The following STXBP5 variants were observed in gnomAD, a reference collection of about 807,000 sequenced individuals.
STXBP5 encodes syntaxin binding protein 5.
In STXBP5, 50 loss-of-function variants were observed where a neutral mutation model predicts 152.4. The observed-to-expected ratio is 0.33, with a 90% confidence interval of 0.26 to 0.42. The LOEUF (loss-of-function observed/expected upper bound fraction) is 0.42. STXBP5 is among the 10% of genes least tolerant of loss of function. STXBP5 has a pLI of 1.00. For missense variants in STXBP5, 1,167 were observed against 1,388.6 expected (o/e 0.84, Z 2.54); for synonymous variants, 492 against 494.7 (o/e 0.99, Z 0.07).
chr6:147,240,828 CAA>C (rs945370737), intron 4 of STXBP5, among the ~76,000 whole-genome samples: 13 of 152,110 alleles, frequency 8.5e-5, no homozygotes, highest in African/African-American at 2.9e-4. Context: ...TGGAATAAGG[CAA>C]AGAGTAAAAA....
At chr6:147,362,904 T>C (rs1370079335) in intron 23 of STXBP5, among the ~76,000 whole-genome samples, 2 of 152,336 alleles carry the variant, frequency 1.3e-5, no homozygotes, top group East Asian at 3.9e-4. Context: ...TCACACACTT[T>C]GGACAAGGCG....
intron 16 of STXBP5, among the ~76,000 whole-genome samples, chr6:147,319,905 G>A (rs1782834035): frequency 7.5e-6 from 1 of 133,998 alleles, no homozygotes. Context: ...ACAGTGGTGT[G>A]ATCACAGCTC....
intron 18 of STXBP5, among the ~76,000 whole-genome samples, chr6:147,332,186 AT>A (rs1444579383): frequency 6.6e-6 from 1 of 152,206 alleles, no homozygotes; most frequent in Admixed American, 6.5e-5. Context: ...TTTCACATGT[AT>A]TCACTCAACC....
Position 147,213,434 on chromosome 6 carries a change from ATGTGTGTGTGTG to A in STXBP5, c.248+7399_248+7410del, listed in dbSNP as rs1159372834. Among the ~76,000 whole-genome samples the A allele has an allele frequency of 3.8e-3, 324 of 85,590 alleles. 5 individuals carry two copies. The East Asian group carries it at 0.11, about 30-fold the overall frequency. 56.2% of individuals were successfully genotyped at this position (85,590 alleles called of 152,430 possible). Reference sequence around the variant, plus strand: ...TCACCTGGCTCACATAATTTTATATATGTGTGTGTGTGTGTGTGTGTGTGTGTGTGTGTGTGT... The same window carrying A: ...TCACCTGGCTCACATAATTTTATATATGTGTGTGTGTGTGTGTGTGTGTGT... On this transcript the variant is annotated intron_variant, in intron 2 of 27. Transcript: ENST00000321680.
intron 21 of STXBP5, among the ~76,000 whole-genome samples, chr6:147,348,714 AAT>A (rs1784451270): frequency 6.6e-6 from 1 of 152,172 alleles, no homozygotes; most frequent in African/African-American, 2.4e-5. Context: ...GGAAATCCAA[AAT>A]ATATGCAAAG....
At chr6:147,314,531 G>C (rs912627319) in intron 13 of STXBP5, 65 bp from the exon 14 acceptor site, 15 of 1,525,284 alleles carry the variant, frequency 9.8e-6, no homozygotes, top group Non-Finnish European at 1.2e-5. Context: ...TTTAATAGCA[G>C]TACCCATTTA....
rs570243183 is a variant in STXBP5, at chr6:147,239,127, T to G, written c.331-43T>G. 6 of 1,528,634 alleles carry G rather than the reference T, an allele frequency of 3.9e-6. No individual in the cohort carries two copies. In the South Asian group the frequency reaches 7.3e-5, roughly 19 times the overall value. 94.7% of individuals were successfully genotyped at this position (1,528,634 alleles called of 1,614,324 possible). A position where few individuals can be genotyped will look rare whatever the true frequency, so the allele number is the denominator to read the frequency against. On this transcript the variant is annotated intron_variant, in intron 3 of 27. Coordinates refer to ENST00000321680, the MANE Select transcript of STXBP5 (RefSeq NM_001127715.4). ...AGCTATTGAGTAGACTTCATGTTTA[T>G]AAAATATATTATACATGAAATGTGT...
intron 21 of STXBP5, among the ~76,000 whole-genome samples, chr6:147,349,638 A>C (rs1429826819): frequency 1.3e-5 from 2 of 152,194 alleles, no homozygotes; most frequent in Non-Finnish European, 2.9e-5. Flanking sequence ...TATAAATCCC[A>C]TGTACTCCAG....
intron 7 of STXBP5, among the ~76,000 whole-genome samples, chr6:147,276,497 C>T (rs1340193222): frequency 1.3e-5 from 2 of 152,084 alleles, no homozygotes; most frequent in Non-Finnish European, 2.9e-5. Flanking sequence ...TATTTCTCTA[C>T]ATATGATACA....
chr6:147,218,512 G>C (rs1458108693), intron 2 of STXBP5, among the ~76,000 whole-genome samples: 1 of 151,504 alleles, frequency 6.6e-6, no homozygotes, highest in African/African-American at 2.4e-5. Flanking sequence ...AGACAGTCTT[G>C]CTCTGTTTCC....
intron 2 of STXBP5, among the ~76,000 whole-genome samples, chr6:147,213,477 T>TGTGTGTGCGCGCGCGCGCGCGCGC: frequency 4.0e-4 from 53 of 131,248 alleles, no homozygotes; most frequent in Non-Finnish European, 6.6e-4. Context: ...TGTGTGTGTG[T>TGTGTGTGCGCGCGCGCGCGCGCGC]GCGCGCGCAT....
At chr6:147,216,328 G>A (rs1043928894) in intron 2 of STXBP5, among the ~76,000 whole-genome samples, 5 of 152,120 alleles carry the variant, frequency 3.3e-5, no homozygotes, top group African/African-American at 1.2e-4. Context: ...GGAGGCGGAG[G>A]TTGCCGTGAG....
At chr6:147,372,406 CCTTTTTTTTTTTTTTT>C (rs1785590427) in intron 25 of STXBP5, among the ~76,000 whole-genome samples, 3 of 39,108 alleles carry the variant, frequency 7.7e-5, no homozygotes, top group South Asian at 1.3e-3. Flanking sequence ...CCGTCCTTTT[CCTTTTTTTTTTTTTTT>C]TTTTTTTTTT....
intron 21 of STXBP5, chr6:147,351,808 A>C: frequency 5.1e-6 from 5 of 983,598 alleles, no homozygotes; most frequent in Non-Finnish European, 6.0e-6. Context: ...CCTCTTTCCT[A>C]ACACTGGATT....
intron 16 of STXBP5, among the ~76,000 whole-genome samples, chr6:147,323,154 G>A (rs1202492057): frequency 6.9e-6 from 1 of 145,396 alleles, no homozygotes; most frequent in Non-Finnish European, 1.5e-5. Context: ...AGTAAATATT[G>A]AGTACCTCTT....
rs544217998 is a variant in STXBP5, at chr6:147,222,779, C to T, written c.249-12471C>T. 2.6e-4 allele frequency among the ~76,000 whole-genome samples: 39 copies of T among 152,330 alleles called. No individual in the cohort carries two copies. The Middle Eastern group carries it at 0.01, about 40-fold the overall frequency. Reference sequence around the variant, plus strand: ...TTTTCTCCAATATTCATTGTGAGAACCTGCTCAAGCTTTAGAGGTAAAATT... The same window carrying T: ...TTTTCTCCAATATTCATTGTGAGAATCTGCTCAAGCTTTAGAGGTAAAATT... On this transcript the variant is annotated intron_variant, in intron 2 of 27. Coordinates refer to ENST00000321680, the MANE Select transcript of STXBP5 (RefSeq NM_001127715.4).
intron 4 of STXBP5, among the ~76,000 whole-genome samples, chr6:147,241,568 G>A (rs891948364): frequency 6.6e-6 from 1 of 152,052 alleles, no homozygotes; most frequent in Non-Finnish European, 1.5e-5. Context: ...TATATATGAT[G>A]GTGGTCCCAA....
intron 2 of STXBP5, among the ~76,000 whole-genome samples, chr6:147,209,586 A>G (rs1238687814): frequency 6.6e-6 from 1 of 152,100 alleles, no homozygotes; most frequent in African/African-American, 2.4e-5. Flanking sequence ...GTAGCTATGT[A>G]TTCTAGAGGA....
chr6:147,363,501 C>G lies in STXBP5; in HGVS notation c.2712C>G (p.Ser904=), dbSNP rs775085278. 1.2e-6 allele frequency: 2 copies of G among 1,614,110 alleles called. No individual in the cohort carries two copies. The highest frequency in any genetic ancestry group is 1.7e-6 in the Non-Finnish European group (2 of 1,180,026). ...GGCGGCCTGTCTCAGTATCCCCCTCCTCTTCTCAGGAAATTAGTGAAAACC... is the reference window on the plus strand; with the variant it reads ...GGCGGCCTGTCTCAGTATCCCCCTCGTCTTCTCAGGAAATTAGTGAAAACC... ...KKRRPVSVSP[S]SSQEISENQY... The change falls in exon 24 of 28, where the codon TCC becomes TCG. Residue 904 remains serine (S), a synonymous_variant. Coordinates refer to ENST00000321680, the MANE Select transcript of STXBP5 (RefSeq NM_001127715.4).
Sources: allele counts gnomAD v4.1 joint callset (sites outside exome capture counted in the v4.1 genomes callset), GRCh38; gene constraint gnomAD v4.1.1; transcripts MANE v1.5; gene names NCBI Gene and HGNC (gene_info 2026-07-23, HGNC 2026-07-21).